ADAMTSL1: variants seen among roughly 807,000 people sequenced by gnomAD.
ADAMTSL1 encodes the protein ADAMTS like 1, also known as ADAMTS-like protein 1.
In ADAMTSL1, 126 loss-of-function variants were observed where a neutral mutation model predicts 201.8. The observed-to-expected ratio is 0.62, with a 90% CI of 0.54 to 0.72. The LOEUF is 0.72. Ranked by LOEUF, ADAMTSL1 falls within the 30% of genes least tolerant of loss-of-function variation. ADAMTSL1 has a pLI of 0.00. For missense variants in ADAMTSL1, 2,679 were observed against 2,277.8 expected (o/e 1.18, Z -3.59); for synonymous variants, 1,121 against 903.4 (o/e 1.24, Z -4.32).
intron 20 of ADAMTSL1, among the ~76,000 whole-genome samples, chr9:18,809,511 C>T (rs1344381597): frequency 6.6e-6 from 1 of 152,146 alleles, no homozygotes; most frequent in Admixed American, 6.6e-5. Context: ...AGCTTGAGGC[C>T]GGGCATGGTG....
chr9:18,153,240 T>A (rs1035413496), intron 1 of ADAMTSL1, among the ~76,000 whole-genome samples: 1 of 151,560 alleles, frequency 6.6e-6, no homozygotes, highest in African/African-American at 2.4e-5. Context: ...AGCCATGGAG[T>A]GGAAAGGACA....
intron 4 of ADAMTSL1, among the ~76,000 whole-genome samples, chr9:18,580,050 A>G (rs1213066772): frequency 6.6e-6 from 1 of 152,228 alleles, no homozygotes; most frequent in Admixed American, 6.5e-5. Context: ...ATATATGTCA[A>G]AAGAAAAAGT....
intron 2 of ADAMTSL1, among the ~76,000 whole-genome samples, chr9:18,444,935 T>TA (rs371313375): frequency 2.0e-5 from 3 of 152,272 alleles, no homozygotes; most frequent in African/African-American, 7.2e-5. Flanking sequence ...CATGCCTTCT[T>TA]AGGCACTACG....
intron 13 of ADAMTSL1, among the ~76,000 whole-genome samples, chr9:18,704,457 G>C (rs568784635): frequency 2.8e-4 from 42 of 152,250 alleles, no homozygotes; most frequent in African/African-American, 9.2e-4. Flanking sequence ...ACAAAGTTTG[G>C]TACCACACTA....
Position 18,315,043 on chromosome 9 carries a change from G to T in ADAMTSL1, c.207+151062G>T, listed in dbSNP as rs371792700. Among the ~76,000 whole-genome samples, 7 of 151,690 alleles carry T rather than the reference G, an allele frequency of 4.6e-5. No individual in the cohort carries two copies. In the East Asian group the frequency reaches 1.2e-3, roughly 25 times the overall value. ...GATCTCCTGACCTCGTGATCCGCCC[G>T]CCTCGGCCTCCCAAAGCAGCCTGCT... On this transcript the variant is annotated intron_variant, in intron 2 of 29. Coordinates refer to the ADAMTSL1 transcript ENST00000680146.
chr9:18,423,770 A>G (rs1231652330), intron 2 of ADAMTSL1, among the ~76,000 whole-genome samples: 1 of 152,262 alleles, frequency 6.6e-6, no homozygotes, highest in Admixed American at 6.5e-5. Flanking sequence ...TAAAATGTGC[A>G]AGAAATCCAT....
chr9:18,701,212 C>CT lies in ADAMTSL1; in HGVS notation c.1575-5513dup, dbSNP rs35537367. On this transcript the variant is annotated intron_variant, in intron 13 of 28. Transcript: ENST00000380548. ...CCAGTAATCAGTAATCTTTTGGGTTCTTTTTTTTTTTTTTTTTTTTTTGAG... is the reference window on the plus strand; with the variant it reads ...CCAGTAATCAGTAATCTTTTGGGTTCTTTTTTTTTTTTTTTTTTTTTTTGAG... Among the ~76,000 whole-genome samples the CT allele has an allele frequency of 9.8e-3, 856 of 87,608 alleles. 15 individuals are homozygous for CT. Among genetic ancestry groups the CT allele is most frequent in the African/African-American group, 0.025 (615 of 24,480 alleles). The allele number at this position is 87,608 out of a possible 152,430, so 57.5% of individuals were successfully genotyped here. A position where few individuals can be genotyped will look rare whatever the true frequency, so the allele number is the denominator to read the frequency against.
At chr9:18,302,974 G>A (rs578229360) in intron 2 of ADAMTSL1, among the ~76,000 whole-genome samples, 1 of 152,296 alleles carries the variant, frequency 6.6e-6, no homozygotes, top group Non-Finnish European at 1.5e-5. Flanking sequence ...TTCCAGAAAG[G>A]AGAGTTCAGT....
At chr9:18,865,565 A>G (rs1169020798) in intron 23 of ADAMTSL1, among the ~76,000 whole-genome samples, 2 of 152,328 alleles carry the variant, frequency 1.3e-5, no homozygotes, top group South Asian at 2.1e-4. Context: ...TATTGGGTAC[A>G]TCTGTCCCAT....
intron 1 of ADAMTSL1, among the ~76,000 whole-genome samples, chr9:18,481,865 A>C (rs946571934): frequency 6.6e-6 from 1 of 152,210 alleles, no homozygotes; most frequent in African/African-American, 2.4e-5. Context: ...CTTTGTGAGA[A>C]TTACCATTAT....
In ADAMTSL1 at chr9:18,795,521, G is replaced by T; in HGVS notation, c.3802G>T (p.Ala1268Ser). Reference sequence around the variant, plus strand: ...CTCTGTCTCCATTGCCGTCACATTAGCAGGTAACCCAAAAATCCCTGTTCT... The same window carrying T: ...CTCTGTCTCCATTGCCGTCACATTATCAGGTAACCCAAAAATCCCTGTTCT... ...YDSVSIAVTL[A>S]GKPLVKTSRM... Residue 1268 changes from alanine to serine, a missense_variant, in exon 20 of 29, where the codon GCA becomes TCA. Transcript: ENST00000380548. 6.2e-7 allele frequency: 1 copy of T among 1,609,734 alleles called. No individual in the cohort carries two copies. Among genetic ancestry groups the T allele is most frequent in the Non-Finnish European group, 8.5e-7 (1 of 1,177,786 alleles).
chr9:18,707,003 T>C lies in ADAMTSL1; in HGVS notation c.1831T>C (p.Trp611Arg). The change falls in exon 14 of 29, where the codon TGG becomes CGG. Residue 611 changes from tryptophan (W) to arginine (R), a missense_variant. Transcript: ENST00000380548. ...GCAGGATTTCGACGAGCTGTATGAC[T>C]GGGAGTATGAGGGGTTCACCAAGTG... ...GLQDFDELYD[W>R]EYEGFTKCSE... is the part of the protein sequence containing the mutation. 6.2e-7 allele frequency: 1 copy of C among 1,613,900 alleles called. No individual in the cohort carries two copies. Among genetic ancestry groups the C allele is most frequent in the Non-Finnish European group, 8.5e-7 (1 of 1,179,872 alleles).
At chr9:18,853,920 C>T (rs112009771) in intron 23 of ADAMTSL1, among the ~76,000 whole-genome samples, 5 of 21,488 alleles carry the variant, frequency 2.3e-4, no homozygotes, top group East Asian at 2.4e-3. Context: ...TGTGTGTGTG[C>T]GCGTGCATGC....
intron 1 of ADAMTSL1, among the ~76,000 whole-genome samples, chr9:18,102,418 T>C (rs1190317876): frequency 1.3e-5 from 2 of 152,244 alleles, no homozygotes; most frequent in African/African-American, 4.8e-5. Context: ...GGTCTTATCT[T>C]ATGAATTATA....
chr9:18,059,440 G>A (rs963161106), intron 1 of ADAMTSL1, among the ~76,000 whole-genome samples: 2 of 152,122 alleles, frequency 1.3e-5, no homozygotes, highest in African/African-American at 4.8e-5. Context: ...TTAATGTGGT[G>A]GGGAAAATGG....
intron 1 of ADAMTSL1, among the ~76,000 whole-genome samples, chr9:18,002,849 G>T (rs955759297): frequency 6.6e-6 from 1 of 152,040 alleles, no homozygotes; most frequent in African/African-American, 2.4e-5. Context: ...CCCAGAGCCA[G>T]ATAACTAGCA....
intron 2 of ADAMTSL1, among the ~76,000 whole-genome samples, chr9:18,217,553 T>A (rs1163451309): frequency 6.6e-6 from 1 of 152,146 alleles, no homozygotes; most frequent in Non-Finnish European, 1.5e-5. Flanking sequence ...TTGATCTCCA[T>A]CTCCCTACTT....
Position 18,660,756 on chromosome 9 carries a change from A to G in ADAMTSL1, c.947-1179A>G, listed in dbSNP as rs73644650. Among the ~76,000 whole-genome samples, 1,255 of 152,274 alleles carry G rather than the reference A, an allele frequency of 8.2e-3. 19 individuals carry two copies. Among genetic ancestry groups the G allele is most frequent in the African/African-American group, 0.028 (1,183 of 41,560 alleles). On this transcript the variant is annotated intron_variant, in intron 8 of 28. Transcript: ENST00000380548. Reference sequence around the variant, plus strand: ...TTGGATAGAAAAAGTGTTCTTATCCATTGCTTTCGTTACTTTTCATGCTTT... The same window carrying G: ...TTGGATAGAAAAAGTGTTCTTATCCGTTGCTTTCGTTACTTTTCATGCTTT...
chr9:18,211,634 T>C (rs1587320986), intron 2 of ADAMTSL1, among the ~76,000 whole-genome samples: 1 of 152,198 alleles, frequency 6.6e-6, no homozygotes, highest in African/African-American at 2.4e-5. Flanking sequence ...CAATATCCAA[T>C]GTGCCTTCAG....
Sources: allele counts gnomAD v4.1 joint callset (sites outside exome capture counted in the v4.1 genomes callset), GRCh38; gene constraint gnomAD v4.1.1; transcripts MANE v1.5; gene names NCBI Gene and HGNC (gene_info 2026-07-23, HGNC 2026-07-21).